The following LPP variants were observed in gnomAD, a reference collection of about 807,000 sequenced individuals.
LPP encodes the protein LIM domain containing preferred translocation partner in lipoma.
LPP carries 38 observed loss-of-function variants against 60.4 expected under a neutral mutation model. The ratio of observed to expected loss-of-function variants is 0.63; its 90% CI spans 0.49 to 0.83. The LOEUF (loss-of-function observed/expected upper bound fraction) is 0.83. Ranked by LOEUF, LPP falls within the 40% of genes least tolerant of loss-of-function variation. The pLI is 0.00. For missense variants in LPP, 902 were observed against 783.6 expected (o/e 1.15, Z -1.80); for synonymous variants, 328 against 290.8 (o/e 1.13, Z -1.30).
chr3:188,642,691 C>T (rs4686990), intron 7 of LPP, among the ~76,000 whole-genome samples: 117,213 of 152,032 alleles, frequency 0.77, 45,665 homozygotes, highest in East Asian at 1. Context: ...AATCCCAGCA[C>T]TTTGGGAGGC....
At chr3:188,441,596 T>A (rs1168976898) in intron 4 of LPP, among the ~76,000 whole-genome samples, 1 of 122,812 alleles carries the variant, frequency 8.1e-6, no homozygotes, top group Non-Finnish European at 1.6e-5. Flanking sequence ...AGTTTCTTTT[T>A]TTCTTTTCTT....
chr3:188,178,813 T>C (rs1723884741), intron 1 of LPP: 1 of 172,780 alleles, frequency 5.8e-6, no homozygotes, highest in African/African-American at 2.4e-5. Context: ...GAAAGCCAAA[T>C]TGGCGCAGTG....
intron 7 of LPP, among the ~76,000 whole-genome samples, chr3:188,653,049 A>G (rs1392119642): frequency 1.3e-5 from 2 of 152,202 alleles, no homozygotes; most frequent in Non-Finnish European, 2.9e-5. Flanking sequence ...TCCACTGCCA[A>G]TTCTTGCCTC....
chr3:188,340,634 A>G lies in LPP; in HGVS notation c.-66-1029A>G, dbSNP rs567052292. 3.9e-5 allele frequency among the ~76,000 whole-genome samples: 6 copies of G among 152,262 alleles called. No individual in the cohort carries two copies. The South Asian group carries it at 1.2e-3, about 32-fold the overall frequency. The stretch of plus-strand genomic sequence containing the variant: ...GAACCTAGGGCATGATTATGGGCAC[A>G]AAGTTGAAAATGATGTGCGATTCAT... On this transcript the variant is annotated intron_variant, in intron 2 of 11. Coordinates refer to ENST00000617246, the MANE Select transcript of LPP (RefSeq NM_001375462.1).
chr3:188,278,464 A>G (rs1239196023), intron 2 of LPP, among the ~76,000 whole-genome samples: 2 of 152,202 alleles, frequency 1.3e-5, no homozygotes, highest in African/African-American at 2.4e-5. Context: ...TGTGTGCTAT[A>G]TACTCTTCTG....
chr3:188,472,705 G>C (rs1802155714), intron 4 of LPP: 1 of 152,172 alleles, frequency 6.6e-6, no homozygotes, highest in Non-Finnish European at 1.5e-5. Context: ...TGGGGAAAAG[G>C]AAGTTTTATG....
At chr3:188,260,400 G>A (rs770212326) in intron 2 of LPP, among the ~76,000 whole-genome samples, 5 of 152,050 alleles carry the variant, frequency 3.3e-5, no homozygotes, top group Non-Finnish European at 5.9e-5. Context: ...AATGTGGGGT[G>A]TCTTGTGCTT....
chr3:188,551,942 T>C (rs1049062107), intron 6 of LPP, among the ~76,000 whole-genome samples: 5 of 152,180 alleles, frequency 3.3e-5, no homozygotes, highest in Non-Finnish European at 7.3e-5. Context: ...TGATGCCATC[T>C]TGGAGGCCCT....
intron 1 of LPP, among the ~76,000 whole-genome samples, chr3:188,205,969 C>T (rs1190952134): frequency 1.3e-5 from 2 of 152,160 alleles, no homozygotes; most frequent in Non-Finnish European, 2.9e-5. Context: ...TCTGCTGCTA[C>T]ATATAAAAGT....
intron 9 of LPP, among the ~76,000 whole-genome samples, chr3:188,803,875 T>C (rs949027389): frequency 6.6e-6 from 1 of 152,188 alleles, no homozygotes; most frequent in Non-Finnish European, 1.5e-5. Context: ...AATTGTTGAA[T>C]GTAGGTGTAA....
At chr3:188,194,785 T>G (rs1729073090) in intron 1 of LPP, among the ~76,000 whole-genome samples, 1 of 152,200 alleles carries the variant, frequency 6.6e-6, no homozygotes, top group African/African-American at 2.4e-5. Flanking sequence ...CTTTTGTTAG[T>G]GTTTTCACTG....
At chr3:188,726,340 A>G (rs893127743) in intron 8 of LPP, among the ~76,000 whole-genome samples, 1 of 152,088 alleles carries the variant, frequency 6.6e-6, no homozygotes, top group South Asian at 2.1e-4. Flanking sequence ...GGGTAATGAC[A>G]TCACTAAGTG....
rs1209092729 is a variant in LPP, at chr3:188,394,551, A to AGTGTGTGTGTGTGTGTGTGT, written c.-9-11548_-9-11529dup. ...TTGCTACTTCTTTAAAAATATCTAA[A>AGTGTGTGTGTGTGTGTGTGT]GTGTGTGTGTGTGTGTGTGTGTGTG... is the stretch of plus-strand genomic sequence containing the variant. On this transcript the variant is annotated intron_variant, in intron 3 of 11. Transcript: ENST00000617246. 2.7e-3 allele frequency among the ~76,000 whole-genome samples: 395 copies of AGTGTGTGTGTGTGTGTGTGT among 146,968 alleles called. 7 individuals are homozygous for AGTGTGTGTGTGTGTGTGTGT. Among genetic ancestry groups the AGTGTGTGTGTGTGTGTGTGT allele is most frequent in the African/African-American group, 8.4e-3 (333 of 39,684 alleles).
At chr3:188,584,273 C>G (rs1271253773) in intron 6 of LPP, 1 of 152,030 alleles carries the variant, frequency 6.6e-6, no homozygotes, top group Non-Finnish European at 1.5e-5. Context: ...TTCATTAGCT[C>G]CTTTTACCTC....
chr3:188,599,335 G>A (rs1840607073), intron 6 of LPP, among the ~76,000 whole-genome samples: 1 of 152,066 alleles, frequency 6.6e-6, no homozygotes, highest in East Asian at 1.9e-4. Flanking sequence ...ATGAAGATGT[G>A]AGTGCAGGCC....
chr3:188,264,338 G>A (rs1734704161), intron 2 of LPP, among the ~76,000 whole-genome samples: 1 of 151,510 alleles, frequency 6.6e-6, no homozygotes, highest in Non-Finnish European at 1.5e-5. Flanking sequence ...TAATTATGAG[G>A]CCACATCTGA....
intron 6 of LPP, among the ~76,000 whole-genome samples, chr3:188,576,173 T>C (rs1580100759): frequency 6.6e-6 from 1 of 152,228 alleles, no homozygotes; most frequent in South Asian, 2.1e-4. Context: ...TGATATTCTT[T>C]GGTCTTTGCA....
At chr3:188,729,136 A>G (rs1719502302) in intron 8 of LPP, among the ~76,000 whole-genome samples, 1 of 152,230 alleles carries the variant, frequency 6.6e-6, no homozygotes, top group Non-Finnish European at 1.5e-5. Context: ...GAGAAGAAAG[A>G]TGTTAGATAC....
In LPP at chr3:188,733,502, CTCTT is replaced by C. The variant is rs939656426; in HGVS notation, c.1240+25111_1240+25114del. Among the ~76,000 whole-genome samples, 54 of 152,120 alleles carry C rather than the reference CTCTT, an allele frequency of 3.5e-4. 3 individuals are homozygous for C. Among genetic ancestry groups the C allele is most frequent in the Non-Finnish European group, 7.4e-5 (5 of 68,000 alleles). On this transcript the variant is annotated intron_variant, in intron 8 of 11. Coordinates refer to ENST00000617246, the MANE Select transcript of LPP (RefSeq NM_001375462.1). ...CCCCTTCTCTAACATGGTACTCTCT[CTCTT>C]TATTTGAATTGTTTCATGCACTTCA...
Sources: gnomAD v4.1 joint callset for allele counts (sites outside exome capture counted in the v4.1 genomes callset) on GRCh38, gnomAD v4.1.1 for gene constraint, MANE v1.5 for transcripts, NCBI Gene and HGNC (gene_info 2026-07-23, HGNC 2026-07-21) for gene names.